Variants in MIGA1 observed in about 807,000 individuals in gnomAD.
The protein encoded by MIGA1 is mitoguardin 1.
MIGA1 carries 58 observed loss-of-function variants against 82.0 expected under a neutral mutation model. The ratio of observed to expected loss-of-function variants is 0.71; its 90% CI spans 0.57 to 0.88. The LOEUF (loss-of-function observed/expected upper bound fraction) is 0.88. MIGA1 is among the 40% of genes least tolerant of loss of function. The pLI is 0.00. For synonymous variants in MIGA1, 249 were observed against 253.6 expected (o/e 0.98, Z 0.17); for missense variants, 751 against 749.1 (o/e 1.00, Z -0.03).
chr1:77,874,269 G>T (rs1025467215), intron 15 of MIGA1, among the ~76,000 whole-genome samples: 7 of 152,006 alleles, frequency 4.6e-5, no homozygotes, highest in Middle Eastern at 3.4e-3. Flanking sequence ...TTACTGAAAT[G>T]AAATATCCTT....
chr1:77,820,106 C>CTT (rs59328443), intron 7 of MIGA1, among the ~76,000 whole-genome samples: 64 of 127,938 alleles, frequency 5.0e-4, no homozygotes, highest in African/African-American at 1.6e-3. Flanking sequence ...TTGTGTAGAT[C>CTT]TTTTTTTTTT....
chr1:77,838,610 G>A (rs1017785789), intron 7 of MIGA1, among the ~76,000 whole-genome samples: 3 of 151,994 alleles, frequency 2.0e-5, no homozygotes, highest in African/African-American at 7.2e-5. Flanking sequence ...ACCACACCTG[G>A]CTAATTTTTG....
At chr1:77,810,718 G>A in intron 5 of MIGA1, 4 of 989,970 alleles carry the variant, frequency 4.0e-6, no homozygotes, top group Non-Finnish European at 5.9e-6. Context: ...CTGTGGTACA[G>A]CTTTGCATTG....
rs1683124414 is a variant in MIGA1, at chr1:77,806,996, C to T, written c.532C>T (p.His178Tyr). Residue 178 changes from histidine (H) to tyrosine (Y), a missense_variant, in exon 5 of 16, where the codon CAT becomes TAT. Around this residue, in one of 3 missense-constraint regions of MIGA1, gnomAD observed 482 missense variants for 439.4 expected, o/e 1.10. Coordinates refer to ENST00000370791, the MANE Select transcript of MIGA1 (RefSeq NM_198549.4). ...TTAGGTCCAGAGTGTCAATTCTTGT[C>T]ATAGCTGCGCTTGTGGCAATTCTAA... 6.2e-7 allele frequency: 1 copy of T among 1,611,694 alleles called. No individual in the cohort carries two copies. The highest frequency in any genetic ancestry group is 8.5e-7 in the Non-Finnish European group (1 of 1,178,466).
At chr1:77,801,001 T>G in intron 2 of MIGA1, among the ~76,000 whole-genome samples, 1 of 152,208 alleles carries the variant, frequency 6.6e-6, no homozygotes. Flanking sequence ...GTAAAAAATC[T>G]TGCTGTGATT....
intron 7 of MIGA1, among the ~76,000 whole-genome samples, chr1:77,839,082 C>T (rs1326887052): frequency 6.6e-6 from 1 of 152,092 alleles, no homozygotes; most frequent in African/African-American, 2.4e-5. Context: ...AAAACACACC[C>T]ACGGGTAGAA....
intron 8 of MIGA1, chr1:77,848,785 GACAA>G (rs2101904508): frequency 7.8e-7 from 1 of 1,284,614 alleles, no homozygotes; most frequent in African/African-American, 1.5e-5. Context: ...GAGCTATATT[GACAA>G]ACAAGATGAT....
At chr1:77,787,818 CTTT>C (rs1348207073) in intron 2 of MIGA1, among the ~76,000 whole-genome samples, 6 of 138,152 alleles carry the variant, frequency 4.3e-5, no homozygotes, top group African/African-American at 5.3e-5. Context: ...CTTTTCTTTT[CTTT>C]TTTTTTTTTT....
At position 77,859,059 on chromosome 1, in the gene MIGA1, A is replaced by G. The variant is rs1283769325; in HGVS notation, c.1115+3A>G. The G allele has an allele frequency of 1.3e-6, 2 of 1,530,062 alleles. No homozygotes were observed. The highest frequency in any genetic ancestry group is 1.8e-6 in the Non-Finnish European group (2 of 1,103,508). The allele number at this position is 1,530,062 out of a possible 1,614,324, so 94.8% of individuals were successfully genotyped here. ...AAAATTTACTCCAGAGTACTGAGGT[A>G]CCATTTCAGTTTTGTTTATGTTTAT... On this transcript the variant is annotated splice_donor_region_variant and intron_variant, in intron 9 of 15. Transcript: ENST00000370791.
intron 12 of MIGA1, 26 bp from the exon 13 acceptor site, chr1:77,863,866 TTC>T (rs1318149853): frequency 5.4e-6 from 8 of 1,474,894 alleles, no homozygotes; most frequent in East Asian, 2.4e-5. Context: ...TAATAATAAT[TTC>T]TGTTTCAACT....
chr1:77,815,792 C>T lies in MIGA1; in HGVS notation c.895+561C>T, dbSNP rs143455171. On this transcript the variant is annotated intron_variant, in intron 7 of 15. Coordinates refer to ENST00000370791, the MANE Select transcript of MIGA1 (RefSeq NM_198549.4). ...TTGCCCAGGTGGGAGTGCAGTGACA[C>T]GATCACAGCTCACTGCAGCCTTGAC... Among the ~76,000 whole-genome samples, 428 of 152,178 alleles carry T rather than the reference C, an allele frequency of 2.8e-3. 2 individuals are homozygous for T. The highest frequency in any genetic ancestry group is 9.6e-3 in the African/African-American group (398 of 41,516).
At chr1:77,837,387 A>G (rs766058094) in intron 7 of MIGA1, among the ~76,000 whole-genome samples, 2 of 152,148 alleles carry the variant, frequency 1.3e-5, no homozygotes, top group Non-Finnish European at 2.9e-5. Flanking sequence ...AGGGCTCCGT[A>G]GTTTATAGCA....
chr1:77,821,411 A>G (rs1220353036), intron 7 of MIGA1, among the ~76,000 whole-genome samples: 2 of 137,712 alleles, frequency 1.5e-5, no homozygotes, highest in African/African-American at 2.7e-5. Context: ...TTTTTTTGAG[A>G]TGGAATTTCG....
chr1:77,789,775 C>G (rs1682339985), intron 2 of MIGA1, among the ~76,000 whole-genome samples: 1 of 151,670 alleles, frequency 6.6e-6, no homozygotes, highest in Admixed American at 6.6e-5. Context: ...TAAAATGGCA[C>G]AGGCTTATCT....
chr1:77,876,233 C>G lies in MIGA1; in HGVS notation c.*1169C>G, dbSNP rs554177549. On this transcript the variant is annotated 3_prime_UTR_variant, in exon 16 of 16. Coordinates refer to ENST00000370791, the MANE Select transcript of MIGA1 (RefSeq NM_198549.4). ...GCTGAGGTGGGAGGATCACTTGAGT[C>G]CAGAAGGTCAAGGCTGTCATGAGCT... The G allele has an allele frequency of 6.6e-6, 1 of 152,216 alleles. No individual in the cohort carries two copies. The highest frequency in any genetic ancestry group is 1.9e-4 in the East Asian group (1 of 5,200). The allele number at this position is 152,216 out of a possible 1,614,324, so 9.4% of individuals were successfully genotyped here. A position where few individuals can be genotyped will look rare whatever the true frequency, so the allele number is the denominator to read the frequency against.
At chr1:77,780,081 CGGCCGAGCTGGAGG>C in intron 1 of MIGA1, 1 of 1,038,916 alleles carries the variant, frequency 9.6e-7, no homozygotes, top group Non-Finnish European at 1.2e-6. Flanking sequence ...AGGGTCTGGA[CGGCCGAGCTGGAGG>C]GACCCCCTTT....
In MIGA1 at chr1:77,861,333, A is replaced by T; in HGVS notation, c.1374+11A>T. On this transcript the variant is annotated intron_variant, in intron 12 of 15. Coordinates refer to ENST00000370791, the MANE Select transcript of MIGA1 (RefSeq NM_198549.4). ...CTTGCTGCTAGAGGGGTAAATTCAA[A>T]TTTTTTGTGATATTTATTTTTCTTA... The T allele has an allele frequency of 9.9e-6, 15 of 1,509,380 alleles. No individual in the cohort carries two copies. Among genetic ancestry groups the T allele is most frequent in the Non-Finnish European group, 1.4e-5 (15 of 1,089,322 alleles). 93.5% of individuals were successfully genotyped at this position (1,509,380 alleles called of 1,614,324 possible). A position where few individuals can be genotyped will look rare whatever the true frequency, so the allele number is the denominator to read the frequency against.
chr1:77,836,210 A>C (rs781456510), intron 7 of MIGA1, among the ~76,000 whole-genome samples: 3 of 152,198 alleles, frequency 2.0e-5, no homozygotes, highest in Non-Finnish European at 2.9e-5. Flanking sequence ...GAAAGAAAGT[A>C]AAGTCCCTCC....
At chr1:77,798,584 G>T (rs764945951) in intron 2 of MIGA1, among the ~76,000 whole-genome samples, 15 of 152,132 alleles carry the variant, frequency 9.9e-5, no homozygotes, top group Non-Finnish European at 2.1e-4. Flanking sequence ...ATCTCCCACG[G>T]GGGCCAACTC....
Sources: allele counts gnomAD v4.1 joint callset (sites outside exome capture counted in the v4.1 genomes callset), GRCh38; gene constraint gnomAD v4.1.1; regional missense constraint gnomAD v4.1.1; transcripts MANE v1.5; gene names NCBI Gene and HGNC (gene_info 2026-07-23, HGNC 2026-07-21).